ZNF804B: variants seen among roughly 807,000 people sequenced by gnomAD.
The protein encoded by ZNF804B is zinc finger protein 804B, also known as zinc finger 804B.
ZNF804B carries 80 observed loss-of-function variants against 101.4 expected under a neutral mutation model. That is an observed-to-expected ratio of 0.79 (90% CI 0.66 to 0.95). ZNF804B has a LOEUF of 0.95. ZNF804B is among the 40% of genes least tolerant of loss of function. The pLI is 0.00. For missense variants in ZNF804B, 1,673 were observed against 1,561.9 expected (o/e 1.07, Z -1.20); for synonymous variants, 622 against 558.8 (o/e 1.11, Z -1.59).
intron 2 of ZNF804B, among the ~76,000 whole-genome samples, chr7:89,264,402 G>A (rs1183273602): frequency 6.6e-6 from 1 of 152,164 alleles, no homozygotes; most frequent in Non-Finnish European, 1.5e-5. Context: ...TTCTCTTGAG[G>A]CTAATATGCC....
intron 1 of ZNF804B, among the ~76,000 whole-genome samples, chr7:89,036,961 T>G (rs576636265): frequency 1.3e-5 from 2 of 152,262 alleles, no homozygotes; most frequent in South Asian, 4.1e-4. Context: ...TGATGTTTAA[T>G]CTACTTTTTC....
chr7:89,109,857 A>G (rs1321773972), intron 1 of ZNF804B, among the ~76,000 whole-genome samples: 2 of 152,096 alleles, frequency 1.3e-5, no homozygotes, highest in Non-Finnish European at 2.9e-5. Context: ...TATATGTCTT[A>G]CTAGTGCATA....
At chr7:89,097,419 G>A (rs2116333465) in intron 1 of ZNF804B, among the ~76,000 whole-genome samples, 1 of 152,274 alleles carries the variant, frequency 6.6e-6, no homozygotes, top group Admixed American at 6.5e-5. Flanking sequence ...ATAATGAAAG[G>A]CAATGAAAAC....
At chr7:89,247,021 C>T (rs1789459405) in intron 2 of ZNF804B, among the ~76,000 whole-genome samples, 1 of 152,046 alleles carries the variant, frequency 6.6e-6, no homozygotes, top group South Asian at 2.1e-4. Context: ...GGCTCCTCTC[C>T]ACTACATGCC....
chr7:88,836,592 T>G (rs17164632), intron 1 of ZNF804B, among the ~76,000 whole-genome samples: 3,927 of 151,986 alleles, frequency 0.026, 133 homozygotes, highest in African/African-American at 0.073. Flanking sequence ...GAGGGCATAA[T>G]ACTAGAAATA....
intron 1 of ZNF804B, among the ~76,000 whole-genome samples, chr7:89,147,623 A>AT (rs1420504228): frequency 5.3e-5 from 8 of 152,152 alleles, no homozygotes; most frequent in Admixed American, 2.0e-4. Context: ...GCCATACAGC[A>AT]GGAGGTGAGC....
chr7:89,203,782 GT>G (rs142297681), intron 1 of ZNF804B, among the ~76,000 whole-genome samples: 2 of 152,192 alleles, frequency 1.3e-5, no homozygotes, highest in East Asian at 3.9e-4. Flanking sequence ...TGTCCTTGGT[GT>G]TTTGTAATTC....
intron 1 of ZNF804B, among the ~76,000 whole-genome samples, chr7:88,835,170 GA>G (rs1340093136): frequency 1.3e-5 from 2 of 151,796 alleles, no homozygotes; most frequent in African/African-American, 4.8e-5. Flanking sequence ...AGGAAATCAG[GA>G]TACAGTAGCA....
chr7:89,162,392 C>G lies in ZNF804B; in HGVS notation c.109-55763C>G, dbSNP rs140516262. Among the ~76,000 whole-genome samples the G allele has an allele frequency of 1.6e-4, 25 of 152,134 alleles. No individual in the cohort carries two copies. The East Asian group carries it at 3.5e-3, about 21-fold the overall frequency. ...TGCATTTTATCTGTCTAACCAAAGTCAAATTCCTAAATAGCTTTTGACCCA... is the reference window on the plus strand; with the variant it reads ...TGCATTTTATCTGTCTAACCAAAGTGAAATTCCTAAATAGCTTTTGACCCA... On this transcript the variant is annotated intron_variant, in intron 1 of 3. Coordinates refer to ENST00000333190, the MANE Select transcript of ZNF804B (RefSeq NM_181646.5).
chr7:89,213,916 G>A (rs868308173), intron 1 of ZNF804B, among the ~76,000 whole-genome samples: 6 of 152,208 alleles, frequency 3.9e-5, no homozygotes, highest in Middle Eastern at 3.2e-3. Context: ...TGTAGTTCAT[G>A]AGGAGTTAAT....
At chr7:89,089,862 A>C (rs1382976191) in intron 1 of ZNF804B, among the ~76,000 whole-genome samples, 1 of 152,112 alleles carries the variant, frequency 6.6e-6, no homozygotes, top group Non-Finnish European at 1.5e-5. Flanking sequence ...TCTCAGCTAC[A>C]CAGCATTGAC....
chr7:89,066,357 G>A (rs1252448447), intron 1 of ZNF804B, among the ~76,000 whole-genome samples: 1 of 152,062 alleles, frequency 6.6e-6, no homozygotes, highest in East Asian at 1.9e-4. Context: ...CCTGGACCAA[G>A]GATCAAATTG....
intron 1 of ZNF804B, among the ~76,000 whole-genome samples, chr7:88,925,103 A>G (rs1044940497): frequency 2.6e-5 from 4 of 152,154 alleles, no homozygotes; most frequent in Non-Finnish European, 2.9e-5. Context: ...AATACCTATC[A>G]GTGGACTCTT....
At chr7:88,977,622 G>A (rs376343757) in intron 1 of ZNF804B, among the ~76,000 whole-genome samples, 3 of 150,676 alleles carry the variant, frequency 2.0e-5, no homozygotes, top group East Asian at 3.9e-4. Flanking sequence ...TCTTCGTTTG[G>A]GTCTCCTCTC....
At chr7:89,063,724 A>T (rs1789409989) in intron 1 of ZNF804B, among the ~76,000 whole-genome samples, 1 of 152,152 alleles carries the variant, frequency 6.6e-6, no homozygotes, top group Admixed American at 6.5e-5. Context: ...GCATCAGTGG[A>T]GGAAGTCCCC....
intron 1 of ZNF804B, among the ~76,000 whole-genome samples, chr7:88,877,481 C>T (rs1791971180): frequency 1.3e-5 from 2 of 151,978 alleles, no homozygotes; most frequent in Non-Finnish European, 2.9e-5. Flanking sequence ...ATTCCAGTCC[C>T]TCTTATTTTA....
At chr7:89,113,280 G>A (rs1364701488) in intron 1 of ZNF804B, among the ~76,000 whole-genome samples, 1 of 152,150 alleles carries the variant, frequency 6.6e-6, no homozygotes, top group Non-Finnish European at 1.5e-5. Flanking sequence ...TGTGTGATGG[G>A]ATCATCGTAC....
chr7:88,980,993 C>G (rs573276730), intron 1 of ZNF804B, among the ~76,000 whole-genome samples: 2 of 152,076 alleles, frequency 1.3e-5, no homozygotes, highest in Non-Finnish European at 2.9e-5. Context: ...ACTTGGCGCT[C>G]TGTTCTGCAA....
intron 1 of ZNF804B, among the ~76,000 whole-genome samples, chr7:89,156,016 T>TTTCC (rs1178217163): frequency 1.5e-4 from 13 of 84,130 alleles, no homozygotes; most frequent in South Asian, 9.6e-4. Context: ...TCTTTCTCTC[T>TTTCC]TTCCTTTCTT....
Sources: allele counts gnomAD v4.1 joint callset (sites outside exome capture counted in the v4.1 genomes callset), GRCh38; gene constraint gnomAD v4.1.1; transcripts MANE v1.5; gene names NCBI Gene and HGNC (gene_info 2026-07-23, HGNC 2026-07-21).